The following CCT6B variants were observed in gnomAD, a reference collection of about 807,000 sequenced individuals.
The protein encoded by CCT6B is probable T-complex protein 1 subunit zeta-2.
CCT6B carries 49 observed loss-of-function variants against 61.5 expected under a neutral mutation model. The observed-to-expected ratio is 0.80, with a 90% CI of 0.63 to 1.01. The LOEUF (loss-of-function observed/expected upper bound fraction) is 1.01, where lower values mean the gene tolerates loss of function less well. Ranked by LOEUF, CCT6B falls within the 50% of genes least tolerant of loss-of-function variation. The pLI, the probability that CCT6B is intolerant of heterozygous loss-of-function variation, is 0.00. For missense variants in CCT6B, 666 were observed against 634.7 expected, an observed-to-expected ratio of 1.05 and a Z score of -0.53; for synonymous variants, 228 against 214.5, an observed-to-expected ratio of 1.06 and a Z score of -0.55.
chr17:34,941,136 G>C (rs560141984), intron 7 of CCT6B, among the ~76,000 whole-genome samples: 10 of 152,232 alleles, frequency 6.6e-5, no homozygotes, highest in African/African-American at 2.2e-4. Context: ...AACTCAGTAA[G>C]TAATAGTTTC....
intron 1 of CCT6B, among the ~76,000 whole-genome samples, chr17:34,960,769 T>C (rs1351985125): frequency 6.6e-6 from 1 of 152,210 alleles, no homozygotes; most frequent in Non-Finnish European, 1.5e-5. Context: ...GGGTGCTTAA[T>C]ATATACTGAA....
chr17:34,948,425 G>C (rs1400214387), intron 5 of CCT6B, among the ~76,000 whole-genome samples: 14 of 152,010 alleles, frequency 9.2e-5, no homozygotes, highest in Non-Finnish European at 1.5e-5. Context: ...CTAATTAAAA[G>C]AAAACTGGGC....
chr17:34,929,076 T>C, intron 12 of CCT6B, 42 bp from the exon 13 acceptor site: 4 of 1,196,012 alleles, frequency 3.3e-6, no homozygotes, highest in Non-Finnish European at 4.9e-6. Context: ...TCTTAGTATT[T>C]GCTATTAATA....
intron 5 of CCT6B, among the ~76,000 whole-genome samples, chr17:34,945,738 G>C (rs1597751055): frequency 6.6e-6 from 1 of 152,052 alleles, no homozygotes; most frequent in South Asian, 2.1e-4. Flanking sequence ...AGCAATAGTA[G>C]GCTAACTGAG....
chr17:34,940,698 T>A, intron 7 of CCT6B, 77 bp from the exon 8 acceptor site: 1 of 648,216 alleles, frequency 1.5e-6, no homozygotes, highest in Non-Finnish European at 2.6e-6. Context: ...TCAGCACCAC[T>A]TTACTCTCTT....
rs755853284 is a variant in CCT6B at position 34,942,662 on chromosome 17, C to G, written c.726-19G>C. On this transcript the variant is annotated intron_variant, in intron 6 of 13. Coordinates refer to ENST00000314144, the MANE Select transcript of CCT6B (RefSeq NM_006584.4). ...CACCTCTCTAAAAGATTAATAAAAA[C>G]CAGCTAGTAAAGGCAGGAGGAAAAA... The G allele has an allele frequency of 6.4e-7, 1 of 1,565,644 alleles. No homozygotes were observed. The highest frequency in any genetic ancestry group is 1.2e-5 in the South Asian group (1 of 83,102).
chr17:34,952,763 T>C (rs1026699587), intron 4 of CCT6B, among the ~76,000 whole-genome samples: 1 of 152,190 alleles, frequency 6.6e-6, no homozygotes, highest in East Asian at 1.9e-4. Flanking sequence ...GGCTAAGTTA[T>C]AACTACCCTA....
chr17:34,940,483 A>T, intron 8 of CCT6B, 56 bp downstream of exon 8: 3 of 890,310 alleles, frequency 3.4e-6, no homozygotes, highest in East Asian at 2.7e-5. Flanking sequence ...AACACATGGG[A>T]TAGTTTCCAT....
chr17:34,952,702 T>C (rs967927888), intron 4 of CCT6B, among the ~76,000 whole-genome samples: 1 of 152,202 alleles, frequency 6.6e-6, no homozygotes, highest in Non-Finnish European at 1.5e-5. Flanking sequence ...CACGTCTTAT[T>C]GCTTAGCTCA....
intron 10 of CCT6B, among the ~76,000 whole-genome samples, chr17:34,933,133 T>C (rs1008196331): frequency 1.3e-4 from 20 of 152,214 alleles, no homozygotes; most frequent in Non-Finnish European, 2.5e-4. Flanking sequence ...GGTAACTGAT[T>C]ACAATATCTG....
chr17:34,941,491 C>T (rs1490017050), intron 7 of CCT6B, among the ~76,000 whole-genome samples: 3 of 152,220 alleles, frequency 2.0e-5, no homozygotes, highest in African/African-American at 7.2e-5. Context: ...GTCAAGTTCA[C>T]ATGGCAGATA....
intron 5 of CCT6B, among the ~76,000 whole-genome samples, chr17:34,951,742 G>T (rs571438015): frequency 2.6e-5 from 4 of 152,082 alleles, no homozygotes; most frequent in African/African-American, 9.6e-5. Context: ...TCACACACAT[G>T]ATTTTTTTTC....
At chr17:34,944,912 C>T (rs1002275402) in intron 5 of CCT6B, among the ~76,000 whole-genome samples, 4 of 152,168 alleles carry the variant, frequency 2.6e-5, no homozygotes, top group African/African-American at 7.2e-5. Context: ...GGCGACAGAG[C>T]GAGACTCCGT....
At chr17:34,939,881 T>C (rs1354449654) in intron 8 of CCT6B, among the ~76,000 whole-genome samples, 168 bp from the exon 9 acceptor site, 3 of 152,204 alleles carry the variant, frequency 2.0e-5, no homozygotes, top group Non-Finnish European at 2.9e-5. Context: ...AACATGATGA[T>C]GTTTTTAAAT....
At chr17:34,958,367 C>CT (rs1361005254) in intron 3 of CCT6B, among the ~76,000 whole-genome samples, 193 bp downstream of exon 3, 1 of 152,116 alleles carries the variant, frequency 6.6e-6, no homozygotes, top group Non-Finnish European at 1.5e-5. Context: ...TTGATTGAAC[C>CT]TGGGAGGCGG....
intron 7 of CCT6B, among the ~76,000 whole-genome samples, chr17:34,941,140 T>C (rs984994038): frequency 1.3e-5 from 2 of 152,190 alleles, no homozygotes; most frequent in Non-Finnish European, 2.9e-5. Flanking sequence ...CAGTAAGTAA[T>C]AGTTTCTCAA....
chr17:34,940,516 T>C (rs749503156), intron 8 of CCT6B, 23 bp downstream of exon 8: 3 of 1,263,690 alleles, frequency 2.4e-6, no homozygotes, highest in Non-Finnish European at 3.4e-6. Context: ...AAACTTAGGA[T>C]ATATAATTAT....
chr17:34,954,378 C>A, intron 4 of CCT6B, 48 bp downstream of exon 4: 1 of 1,389,752 alleles, frequency 7.2e-7, no homozygotes, highest in Non-Finnish European at 9.8e-7. Flanking sequence ...AAAATATCAC[C>A]ATGCATTAGG....
chr17:34,938,903 C>T (rs1043526930), intron 10 of CCT6B, among the ~76,000 whole-genome samples: 4 of 151,924 alleles, frequency 2.6e-5, no homozygotes, highest in South Asian at 4.1e-4. Context: ...GCCAACATGG[C>T]GAAACCCCAT....
Sources: allele counts gnomAD v4.1 joint callset (sites outside exome capture counted in the v4.1 genomes callset), GRCh38; gene constraint gnomAD v4.1.1; transcripts MANE v1.5; gene names NCBI Gene and HGNC (gene_info 2026-07-23, HGNC 2026-07-21).